RUNX2: variants seen among roughly 807,000 people sequenced by gnomAD.
RUNX2 encodes runt-related transcription factor 2.
A neutral mutation model predicts 51.7 loss-of-function variants in RUNX2; 10 were observed. The ratio of observed to expected loss-of-function variants is 0.19; its 90% CI spans 0.12 to 0.33. The LOEUF (loss-of-function observed/expected upper bound fraction) is 0.33, where lower values mean the gene tolerates loss of function less well. Among genes scored for constraint, RUNX2 ranks in the 10% least tolerant of loss-of-function variants. The probability of loss-of-function intolerance (pLI) is 1.00; values close to 1 mark genes in which losing one functional copy is unlikely to be tolerated. For synonymous variants in RUNX2, 276 were observed against 273.6 expected, an observed-to-expected ratio of 1.01 and a Z score of -0.09; for missense variants, 562 against 691.3, an observed-to-expected ratio of 0.81 and a Z score of 2.10.
chr6:45,363,107 A>G (rs1236343926), intron 2 of RUNX2, among the ~76,000 whole-genome samples: 1 of 152,166 alleles, frequency 6.6e-6, no homozygotes, highest in Non-Finnish European at 1.5e-5. Context: ...AAAAGACCAT[A>G]TAGTAAATAT....
chr6:45,357,370 AC>A (rs1257993326), intron 2 of RUNX2, among the ~76,000 whole-genome samples: 3 of 150,980 alleles, frequency 2.0e-5, no homozygotes, highest in Admixed American at 6.6e-5. Flanking sequence ...TCACTCTGTT[AC>A]CCAGGCTGGA....
chr6:45,439,683 GTA>G (rs1013659011), intron 5 of RUNX2, among the ~76,000 whole-genome samples: 5 of 152,012 alleles, frequency 3.3e-5, no homozygotes, highest in Non-Finnish European at 5.9e-5. Flanking sequence ...GTGTGTGTGT[GTA>G]TGTGTGTGTG....
intron 2 of RUNX2, among the ~76,000 whole-genome samples, chr6:45,399,725 G>T (rs1342841822): frequency 6.6e-6 from 1 of 150,594 alleles, no homozygotes; most frequent in African/African-American, 2.4e-5. Context: ...GGGAGGTAGG[G>T]AGGCAAGTGG....
intron 7 of RUNX2, among the ~76,000 whole-genome samples, chr6:45,520,801 G>T (rs1005817627): frequency 1.3e-5 from 2 of 151,702 alleles, no homozygotes; most frequent in Non-Finnish European, 2.9e-5. Context: ...GCTCACTACA[G>T]CCTCTGCCTC....
At chr6:45,539,996 G>A (rs1021699742) in intron 7 of RUNX2, among the ~76,000 whole-genome samples, 4 of 152,190 alleles carry the variant, frequency 2.6e-5, no homozygotes, top group African/African-American at 9.7e-5. Context: ...CTTGTGTAGT[G>A]GTGAGCTTTG....
At chr6:45,342,640 C>A (rs1053480577) in intron 2 of RUNX2, among the ~76,000 whole-genome samples, 1 of 152,128 alleles carries the variant, frequency 6.6e-6, no homozygotes, top group Admixed American at 6.5e-5. Flanking sequence ...AAGGTTTACA[C>A]AGTAGCAGGA....
Position 45,431,972 on chromosome 6 carries a change from A to G in RUNX2, c.533A>G (p.Gln178Arg), listed in dbSNP as rs1195717789. 2 of 1,614,122 alleles carry G rather than the reference A, an allele frequency of 1.2e-6. No individual in the cohort carries two copies. Among genetic ancestry groups the G allele is most frequent in the Non-Finnish European group, 1.7e-6 (2 of 1,180,008 alleles). ...LRNASAVMKNQVARFNDLRFV... is the reference protein window; with the variant it reads ...LRNASAVMKNRVARFNDLRFV... ...AATGCCTCTGCTGTTATGAAAAACC[A>G]AGTAGCAAGGTTCAACGATCTGAGA... The change falls in exon 4 of 9, where the codon CAA (glutamine) becomes CGA (arginine). Residue 178 changes from glutamine (Q) to arginine (R), a missense_variant. Physicochemically the swap from Gln to Arg is conservative, Grantham distance 43. Around this residue, in one of 5 missense-constraint regions of RUNX2, gnomAD observed 67 missense variants for 106.5 expected, o/e 0.63. Coordinates refer to ENST00000647337, the MANE Select transcript of RUNX2 (RefSeq NM_001024630.4).
At chr6:45,390,736 GA>G (rs942845587) in intron 2 of RUNX2, among the ~76,000 whole-genome samples, 3 of 151,120 alleles carry the variant, frequency 2.0e-5, no homozygotes, top group Non-Finnish European at 3.0e-5. Flanking sequence ...AACTAGGTCA[GA>G]AAAAAAAGAG....
intron 6 of RUNX2, among the ~76,000 whole-genome samples, chr6:45,509,831 C>T (rs1201305287): frequency 1.3e-5 from 2 of 152,130 alleles, no homozygotes; most frequent in African/African-American, 4.8e-5. Flanking sequence ...GCAGGGGGCC[C>T]TAGACGGATG....
At chr6:45,461,568 A>G (rs1321752715) in intron 5 of RUNX2, among the ~76,000 whole-genome samples, 1 of 152,186 alleles carries the variant, frequency 6.6e-6, no homozygotes, top group African/African-American at 2.4e-5. Context: ...TAAGATGGGG[A>G]AACACTCATG....
At chr6:45,387,443 C>T (rs1368477635) in intron 2 of RUNX2, among the ~76,000 whole-genome samples, 1 of 152,178 alleles carries the variant, frequency 6.6e-6, no homozygotes, top group Non-Finnish European at 1.5e-5. Flanking sequence ...TTCCTAGATT[C>T]GGCCTAGAAA....
At chr6:45,398,888 TC>T (rs962830950) in intron 2 of RUNX2, among the ~76,000 whole-genome samples, 1 of 152,218 alleles carries the variant, frequency 6.6e-6, no homozygotes, top group African/African-American at 2.4e-5. Context: ...TATGTAATTT[TC>T]CCAAGTCACA....
At chr6:45,393,462 G>A (rs1053437180) in intron 2 of RUNX2, among the ~76,000 whole-genome samples, 11 of 151,380 alleles carry the variant, frequency 7.3e-5, no homozygotes, top group South Asian at 2.1e-4. Context: ...ACGGAGTCTC[G>A]CTGCATAGCC....
chr6:45,546,239 G>A (rs897979579), intron 8 of RUNX2, among the ~76,000 whole-genome samples: 1 of 151,984 alleles, frequency 6.6e-6, no homozygotes, highest in African/African-American at 2.4e-5. Flanking sequence ...TGAGTTTCTG[G>A]TTTGATTTCA....
intron 7 of RUNX2, among the ~76,000 whole-genome samples, chr6:45,533,762 T>C (rs1801938098): frequency 6.6e-6 from 1 of 152,118 alleles, no homozygotes; most frequent in South Asian, 2.1e-4. Context: ...AGTAGTTTGG[T>C]TCCTGATGTC....
intron 2 of RUNX2, among the ~76,000 whole-genome samples, chr6:45,350,768 G>A (rs912351979): frequency 2.0e-5 from 3 of 152,118 alleles, no homozygotes; most frequent in Non-Finnish European, 4.4e-5. Context: ...TAAATGCCAG[G>A]TTCTAATCAG....
intron 2 of RUNX2, among the ~76,000 whole-genome samples, chr6:45,414,799 T>C (rs140088335): frequency 8.7e-6 from 1 of 115,316 alleles, no homozygotes; most frequent in African/African-American, 3.2e-5. Flanking sequence ...GATCTAGTGA[T>C]AAGGCAGCTC....
intron 4 of RUNX2, among the ~76,000 whole-genome samples, chr6:45,437,002 A>G (rs1051341789): frequency 6.6e-6 from 1 of 152,206 alleles, no homozygotes; most frequent in Non-Finnish European, 1.5e-5. Context: ...AACAGTTTGC[A>G]GTTTTGACTA....
chr6:45,397,863 A>C (rs140061135), intron 2 of RUNX2, among the ~76,000 whole-genome samples: 49 of 152,344 alleles, frequency 3.2e-4, no homozygotes, highest in African/African-American at 8.7e-4. Context: ...AAATATAAAC[A>C]ACACAATGGA....
Sources: gnomAD v4.1 joint callset for allele counts (sites outside exome capture counted in the v4.1 genomes callset) on GRCh38, gnomAD v4.1.1 for gene constraint, gnomAD v4.1.1 regional missense constraint, MANE v1.5 for transcripts, NCBI Gene and HGNC (gene_info 2026-07-23, HGNC 2026-07-21) for gene names.